Variants in KCNN2 observed in about 807,000 individuals in gnomAD.
KCNN2 encodes the protein small conductance calcium-activated potassium channel protein 2.
KCNN2 carries 24 observed loss-of-function variants against 55.5 expected under a neutral mutation model. The observed-to-expected ratio is 0.43, with a 90% CI of 0.31 to 0.61. KCNN2 has a LOEUF of 0.61. KCNN2 is among the 20% of genes least tolerant of loss of function. KCNN2 has a pLI of 0.08. For synonymous variants in KCNN2, 431 were observed against 336.1 expected (o/e 1.28, Z -3.09); for missense variants, 754 against 853.6 (o/e 0.88, Z 1.45).
chr5:114,357,568 C>T (rs867863220), upstream of KCNN2, among the ~76,000 whole-genome samples: 171 of 126,160 alleles, frequency 1.4e-3, 1 homozygote, highest in African/African-American at 4.6e-3. Flanking sequence ...TTTGTTCTTG[C>T]GATAGTTTAC....
chr5:114,128,322 T>C (rs1316490630), intron 1 of KCNN2, among the ~76,000 whole-genome samples: 1 of 152,156 alleles, frequency 6.6e-6, no homozygotes, highest in Non-Finnish European at 1.5e-5. Context: ...TATGGCCTTC[T>C]TCACATGGCA....
intron 1 of KCNN2, among the ~76,000 whole-genome samples, chr5:114,158,535 T>C (rs1264833355): frequency 6.6e-6 from 1 of 152,086 alleles, no homozygotes; most frequent in Non-Finnish European, 1.5e-5. Context: ...TCCAATTCTG[T>C]GAAGAAAGTC....
intron 3 of KCNN2, among the ~76,000 whole-genome samples, chr5:114,420,665 G>A (rs959257503): frequency 6.6e-6 from 1 of 152,182 alleles, no homozygotes; most frequent in Non-Finnish European, 1.5e-5. Flanking sequence ...TAAGATACCA[G>A]ATATCAGAGA....
chr5:114,459,219 C>T lies in KCNN2; in HGVS notation c.1638-3830C>T, dbSNP rs976402741. On this transcript the variant is annotated intron_variant, in intron 3 of 7. Coordinates refer to ENST00000673685, the MANE Select transcript of KCNN2 (RefSeq NM_021614.4). ...GAAGCATGCAGTTCATGCCAAAACT[C>T]CAAAGTCCTCATTTTAAAAGCTTGA... 3.9e-5 allele frequency among the ~76,000 whole-genome samples: 6 copies of T among 152,308 alleles called. No individual in the cohort carries two copies. The East Asian group carries it at 1.2e-3, about 29-fold the overall frequency.
At chr5:114,446,851 G>A (rs1021771736) in intron 3 of KCNN2, among the ~76,000 whole-genome samples, 4 of 151,692 alleles carry the variant, frequency 2.6e-5, no homozygotes, top group Non-Finnish European at 5.9e-5. Context: ...GCAGTGAGCC[G>A]AGATCACACC....
intron 1 of KCNN2, among the ~76,000 whole-genome samples, chr5:114,082,803 C>T (rs759983598): frequency 6.6e-6 from 1 of 152,120 alleles, no homozygotes; most frequent in Non-Finnish European, 1.5e-5. Flanking sequence ...TGAAATAAGA[C>T]AATCACAAAG....
At chr5:114,436,718 A>C (rs1477160190) in intron 3 of KCNN2, among the ~76,000 whole-genome samples, 1 of 152,218 alleles carries the variant, frequency 6.6e-6, no homozygotes, top group African/African-American at 2.4e-5. Context: ...TGAAAGGGAA[A>C]AAATCGATGA....
At chr5:114,363,474 CAGTTA>C (rs1331454502) in intron 1 of KCNN2, among the ~76,000 whole-genome samples, 1 of 152,340 alleles carries the variant, frequency 6.6e-6, no homozygotes, top group Admixed American at 6.5e-5. Context: ...GTTCTCGAGG[CAGTTA>C]AGAGTGCTCA....
chr5:114,173,809 C>T (rs1161725494), intron 1 of KCNN2, among the ~76,000 whole-genome samples: 1 of 151,712 alleles, frequency 6.6e-6, no homozygotes, highest in African/African-American at 2.4e-5. Context: ...CATCAATCAT[C>T]ATGTCTAAAA....
intron 2 of KCNN2, among the ~76,000 whole-genome samples, chr5:114,399,056 C>G (rs986463353): frequency 6.6e-5 from 10 of 152,306 alleles, no homozygotes; most frequent in African/African-American, 1.7e-4. Flanking sequence ...CATGATCGCT[C>G]TAGCTAAGAC....
chr5:114,238,628 A>C (rs79928200), intron 2 of KCNN2, among the ~76,000 whole-genome samples: 1 of 114,664 alleles, frequency 8.7e-6, no homozygotes, highest in Non-Finnish European at 2.0e-5. Context: ...TCCGTCTCCA[A>C]AAAAAAAAAA....
intron 2 of KCNN2, among the ~76,000 whole-genome samples, chr5:114,264,682 C>G (rs1755174565): frequency 6.6e-6 from 1 of 152,152 alleles, no homozygotes; most frequent in Non-Finnish European, 1.5e-5. Flanking sequence ...GCATTCTAAG[C>G]AAACTGTAAA....
At chr5:114,321,063 A>G (rs1353303293) in intron 2 of KCNN2, among the ~76,000 whole-genome samples, 1 of 152,152 alleles carries the variant, frequency 6.6e-6, no homozygotes, top group Non-Finnish European at 1.5e-5. Flanking sequence ...CACATTAGCC[A>G]TTTCACTCAA....
At chr5:114,208,138 A>G (rs765414697) in intron 1 of KCNN2, among the ~76,000 whole-genome samples, 2 of 152,234 alleles carry the variant, frequency 1.3e-5, no homozygotes, top group African/African-American at 4.8e-5. Context: ...AAGCTAAAAC[A>G]TATTCATTTC....
intron 1 of KCNN2, among the ~76,000 whole-genome samples, chr5:114,179,995 A>AT (rs1012265553): frequency 5.9e-5 from 9 of 152,192 alleles, no homozygotes; most frequent in Non-Finnish European, 1.0e-4. Context: ...TATTAAATGT[A>AT]TTTTTAAAGA....
chr5:114,138,925 C>T (rs1450319075), intron 1 of KCNN2, among the ~76,000 whole-genome samples: 1 of 152,058 alleles, frequency 6.6e-6, no homozygotes, highest in African/African-American at 2.4e-5. Flanking sequence ...GATTTCTGGT[C>T]ACACGTTATG....
chr5:114,290,982 T>C lies in KCNN2; in HGVS notation c.-185+69417T>C, dbSNP rs534987643. The stretch of plus-strand genomic sequence containing the variant: ...CAATCCTTTTAACCTTAATAAAACT[T>C]GTTTGGCGGCCTGACATATGGTCTA... On this transcript the variant is annotated intron_variant, in intron 2 of 10. Coordinates refer to the KCNN2 transcript ENST00000512097. Among the ~76,000 whole-genome samples the C allele has an allele frequency of 5.3e-5, 8 of 152,194 alleles. No homozygotes were observed. The East Asian group carries it at 1.5e-3, about 29-fold the overall frequency.
intron 1 of KCNN2, among the ~76,000 whole-genome samples, chr5:114,156,827 A>G (rs115766824): frequency 2.5e-3 from 375 of 152,198 alleles, no homozygotes; most frequent in African/African-American, 8.7e-3. Flanking sequence ...CAAAGGAATT[A>G]TCAATGATGC....
rs752204450 is a variant in KCNN2, at chr5:114,473,207, A to AT, written c.1890+49dup. On this transcript the variant is annotated intron_variant, in intron 5 of 7. Transcript: ENST00000673685. ...TATCTTCAAAGAGAATATTATTGTGATTTTTTCAGTGTTAGGAAATATGGT... is the reference window on the plus strand; with the variant it reads ...TATCTTCAAAGAGAATATTATTGTGATTTTTTTCAGTGTTAGGAAATATGGT... The AT allele has an allele frequency of 8.4e-5, 105 of 1,244,220 alleles. No individual in the cohort carries two copies. The African/African-American group carries it at 1.1e-3, about 13-fold the overall frequency. The allele number at this position is 1,244,220 out of a possible 1,614,324, so 77.1% of individuals were successfully genotyped here.
Sources: gnomAD v4.1 joint callset for allele counts (sites outside exome capture counted in the v4.1 genomes callset) on GRCh38, gnomAD v4.1.1 for gene constraint, MANE v1.5 for transcripts, NCBI Gene and HGNC (gene_info 2026-07-23, HGNC 2026-07-21) for gene names.